The following SEMA6D variants were observed in gnomAD, a reference collection of about 807,000 sequenced individuals.
SEMA6D encodes semaphorin 6D, also known as semaphorin-6D.
In SEMA6D, 35 loss-of-function variants were observed where a neutral mutation model predicts 106.6. The ratio of observed to expected loss-of-function variants is 0.33; its 90% confidence interval spans 0.25 to 0.44. The LOEUF (loss-of-function observed/expected upper bound fraction) is 0.44. Ranked by LOEUF, SEMA6D falls within the 20% of genes least tolerant of loss-of-function variation. SEMA6D has a pLI of 1.00. For synonymous variants in SEMA6D, 499 were observed against 487.7 expected (o/e 1.02, Z -0.31); for missense variants, 1,185 against 1,345.9 (o/e 0.88, Z 1.87).
chr15:47,628,837 CT>C (rs1331570599), intron 4 of SEMA6D, among the ~76,000 whole-genome samples: 2 of 151,982 alleles, frequency 1.3e-5, no homozygotes, highest in Non-Finnish European at 2.9e-5. Flanking sequence ...GTTTGGAAAA[CT>C]TTGTCTTATT....
intron 1 of SEMA6D, among the ~76,000 whole-genome samples, chr15:47,723,287 C>G (rs1193064852): frequency 6.6e-6 from 1 of 152,108 alleles, no homozygotes; most frequent in Non-Finnish European, 1.5e-5. Context: ...TTCAAGCATC[C>G]TAGAACGGTA....
chr15:47,415,109 G>C (rs556487653), intron 2 of SEMA6D, among the ~76,000 whole-genome samples: 1 of 152,036 alleles, frequency 6.6e-6, no homozygotes, highest in Non-Finnish European at 1.5e-5. Flanking sequence ...TGAACATTAG[G>C]TCAAAAAAGC....
chr15:47,518,496 C>A (rs190102415), intron 3 of SEMA6D, among the ~76,000 whole-genome samples: 29 of 152,284 alleles, frequency 1.9e-4, no homozygotes, highest in Admixed American at 1.7e-3. Context: ...TTATACCAAT[C>A]TAAATGGTAT....
rs773256402 is a variant in SEMA6D, at chr15:47,763,054, G to A, written c.697G>A (p.Val233Ile). 2.5e-6 allele frequency: 4 copies of A among 1,611,914 alleles called. No individual in the cohort carries two copies. The highest frequency in any genetic ancestry group is 2.7e-5 in the African/African-American group (2 of 74,786). Residue 233 changes from valine to isoleucine, a missense_variant, in exon 9 of 19, where the codon GTC (valine) becomes ATC (isoleucine). Coordinates refer to ENST00000536845, the MANE Select transcript of SEMA6D (RefSeq NM_001358351.3). ...TCATGCCATAGAATATGGAAACTAT[G>A]TCTATTTCTTCTTTCGAGAAATCGC... Reference protein sequence around the residue: ...FLHAIEYGNYVYFFFREIAVE... With the variant: ...FLHAIEYGNYIYFFFREIAVE...
Position 47,656,189 on chromosome 15 carries a change from T to C in SEMA6D, c.-55+55293T>C, listed in dbSNP as rs536100601. 8.5e-5 allele frequency among the ~76,000 whole-genome samples: 13 copies of C among 152,366 alleles called. No individual in the cohort carries two copies. The East Asian group carries it at 2.5e-3, about 29-fold the overall frequency. On this transcript the variant is annotated intron_variant, in intron 4 of 19. Transcript: ENST00000558014. ...CTGTTGGCTGTGTGTTTAACACTAA[T>C]GAACCAACAGTATATACGAAATAAG...
intron 1 of SEMA6D, among the ~76,000 whole-genome samples, chr15:47,719,937 T>G (rs1290591538): frequency 6.6e-6 from 1 of 152,206 alleles, no homozygotes; most frequent in Non-Finnish European, 1.5e-5. Context: ...AAATAGAAAA[T>G]GCCAGATAAG....
intron 2 of SEMA6D, among the ~76,000 whole-genome samples, chr15:47,444,182 T>C (rs2041962344): frequency 6.6e-6 from 1 of 152,166 alleles, no homozygotes; most frequent in African/African-American, 2.4e-5. Context: ...CAAAGTCTCA[T>C]GGAGTTTATA....
At position 47,672,778 on chromosome 15, in the gene SEMA6D, C is replaced by A. The variant is rs555345961; in HGVS notation, c.-55+71882C>A. ...AGGTGTTCTTTTTTATTTTTCTAGT[C>A]CAGGCAATGTATTAATAATTAGCAT... On this transcript the variant is annotated intron_variant, in intron 4 of 19. Coordinates refer to the SEMA6D transcript ENST00000558014. Among the ~76,000 whole-genome samples, 31 of 151,970 alleles carry A rather than the reference C, an allele frequency of 2.0e-4. No individual in the cohort carries two copies. In the East Asian group the frequency reaches 6.0e-3, roughly 29 times the overall value.
chr15:47,568,347 C>G (rs189020456), intron 3 of SEMA6D, among the ~76,000 whole-genome samples: 87 of 152,080 alleles, frequency 5.7e-4, no homozygotes, highest in African/African-American at 2.0e-3. Context: ...TGTCCATTGG[C>G]AAGAGAAAGG....
At chr15:47,606,845 A>G (rs564919607) in intron 4 of SEMA6D, among the ~76,000 whole-genome samples, 2 of 152,324 alleles carry the variant, frequency 1.3e-5, no homozygotes, top group South Asian at 4.1e-4. Flanking sequence ...AGGAATTCTC[A>G]AGGCCTGAAA....
At chr15:47,206,395 G>C (rs1357331854) in intron 1 of SEMA6D, among the ~76,000 whole-genome samples, 1 of 152,076 alleles carries the variant, frequency 6.6e-6, no homozygotes, top group Non-Finnish European at 1.5e-5. Context: ...GTTTGGACAG[G>C]GTTACAATAC....
In SEMA6D at chr15:47,573,240, A is replaced by G. The variant is rs1346441366; in HGVS notation, c.-86-27625A>G. On this transcript the variant is annotated intron_variant, in intron 3 of 19. Transcript: ENST00000558014. ...AACAGCTGAACTGAACAAAGTACTT[A>G]ATTAAAAACAAAATAATACTCAAGA... Among the ~76,000 whole-genome samples the G allele has an allele frequency of 9.2e-5, 14 of 152,338 alleles. No homozygotes were observed. The East Asian group carries it at 2.5e-3, about 27-fold the overall frequency.
intron 1 of SEMA6D, among the ~76,000 whole-genome samples, chr15:47,295,903 C>T (rs186046003): frequency 1.2e-4 from 19 of 152,306 alleles, no homozygotes; most frequent in African/African-American, 4.6e-4. Flanking sequence ...TTTAGCTCCA[C>T]CTCTGAAACA....
intron 4 of SEMA6D, among the ~76,000 whole-genome samples, chr15:47,652,755 C>T (rs1040363524): frequency 2.6e-5 from 4 of 152,170 alleles, no homozygotes; most frequent in Non-Finnish European, 5.9e-5. Flanking sequence ...TGGCTTCGTG[C>T]TATAATTGGC....
chr15:47,752,702 A>C (rs1426711355), intron 1 of SEMA6D, among the ~76,000 whole-genome samples: 3 of 150,798 alleles, frequency 2.0e-5, no homozygotes, highest in Non-Finnish European at 4.5e-5. Flanking sequence ...ATTGGATTTA[A>C]AGCAATCCAA....
At chr15:47,266,472 G>C (rs760296750) in intron 1 of SEMA6D, among the ~76,000 whole-genome samples, 1 of 152,012 alleles carries the variant, frequency 6.6e-6, no homozygotes, top group Non-Finnish European at 1.5e-5. Context: ...GGGATGGAGT[G>C]GGCAAAAGCC....
intron 3 of SEMA6D, among the ~76,000 whole-genome samples, chr15:47,599,598 A>G (rs879231010): frequency 2.0e-5 from 3 of 152,172 alleles, no homozygotes; most frequent in Non-Finnish European, 1.5e-5. Context: ...TGATAACTCA[A>G]TACAACTGAA....
chr15:47,350,475 T>A (rs1452129493), intron 1 of SEMA6D, among the ~76,000 whole-genome samples: 2 of 152,178 alleles, frequency 1.3e-5, no homozygotes, highest in Non-Finnish European at 2.9e-5. Flanking sequence ...AAACATGCAT[T>A]GTTTCAAATG....
At chr15:47,526,739 TA>T (rs957258961) in intron 3 of SEMA6D, among the ~76,000 whole-genome samples, 2 of 152,072 alleles carry the variant, frequency 1.3e-5, no homozygotes, top group East Asian at 1.9e-4. Flanking sequence ...TAATTATTAT[TA>T]TTTTTTTTTT....
Sources: gnomAD v4.1 joint callset for allele counts (sites outside exome capture counted in the v4.1 genomes callset) on GRCh38, gnomAD v4.1.1 for gene constraint, MANE v1.5 for transcripts, NCBI Gene and HGNC (gene_info 2026-07-23, HGNC 2026-07-21) for gene names.